Variants in C12orf42 observed in about 807,000 individuals in gnomAD.
C12orf42 encodes the protein chromosome 12 open reading frame 42.
In C12orf42, 25 loss-of-function variants were observed where a neutral mutation model predicts 21.6. That is an observed-to-expected ratio of 1.16 (90% confidence interval 0.84 to 1.62). C12orf42 has a LOEUF of 1.62. Ranked by LOEUF, C12orf42 falls within the 40% of genes most tolerant of loss-of-function variation. The pLI, the probability that C12orf42 is intolerant of heterozygous loss-of-function variation, is 0.00. For synonymous variants in C12orf42, 174 were observed against 175.0 expected (o/e 0.99, Z 0.05); for missense variants, 483 against 459.3 (o/e 1.05, Z -0.47).
At chr12:103,071,223 C>G in the C12orf42 span, among the ~76,000 whole-genome samples, 2 of 152,078 alleles carry the variant, frequency 1.3e-5, no homozygotes, top group East Asian at 1.9e-4. Flanking sequence ...CACCATAAAC[C>G]CTTCATCCCT....
chr12:103,549,745 C>A, the C12orf42 span: 1 of 152,148 alleles, frequency 6.6e-6, no homozygotes. Context: ...TAAATTACTA[C>A]CCAATAGATC....
At chr12:103,218,279 C>CA in the C12orf42 span, among the ~76,000 whole-genome samples, 10,275 of 92,968 alleles carry the variant, frequency 0.11, 507 homozygotes, top group African/African-American at 0.18. Flanking sequence ...AACTCCGCTT[C>CA]AAAAAAAAAA....
chr12:103,424,845 T>C (rs569417781), intron 2 of C12orf42, among the ~76,000 whole-genome samples: 2 of 152,282 alleles, frequency 1.3e-5, no homozygotes, highest in Admixed American at 6.5e-5. Context: ...GAACCATTCA[T>C]TGCCCTGGAA....
At chr12:103,058,318 G>A in the C12orf42 span, among the ~76,000 whole-genome samples, 1 of 152,100 alleles carries the variant, frequency 6.6e-6, no homozygotes, top group Non-Finnish European at 1.5e-5. Flanking sequence ...TTTTAATGGG[G>A]TTGTTTGTTT....
chr12:103,302,794 C>CAA (rs780556569), intron 5 of C12orf42, among the ~76,000 whole-genome samples: 81 of 145,398 alleles, frequency 5.6e-4, no homozygotes, highest in African/African-American at 2.0e-3. Context: ...CCCAACACCT[C>CAA]AAAAAAAAAA....
the C12orf42 span, among the ~76,000 whole-genome samples, chr12:103,077,402 C>A: frequency 6.6e-6 from 1 of 152,210 alleles, no homozygotes; most frequent in South Asian, 2.1e-4. Flanking sequence ...TTAATGTATG[C>A]CAGGCATTCT....
chr12:103,121,469 C>G, the C12orf42 span, among the ~76,000 whole-genome samples: 3 of 152,166 alleles, frequency 2.0e-5, no homozygotes, highest in Admixed American at 1.3e-4. Flanking sequence ...AATCCAGGAA[C>G]ACGGAGATGA....
chr12:103,430,512 G>A (rs1310435681), intron 2 of C12orf42, among the ~76,000 whole-genome samples: 1 of 152,200 alleles, frequency 6.6e-6, no homozygotes, highest in Non-Finnish European at 1.5e-5. Context: ...TACACTGTTG[G>A]TGGGAGTGTA....
the C12orf42 span, among the ~76,000 whole-genome samples, chr12:103,060,443 A>G: frequency 1.3e-5 from 2 of 152,224 alleles, no homozygotes; most frequent in African/African-American, 4.8e-5. Context: ...TTAAGCTACC[A>G]TTAACTTTCT....
chr12:103,455,452 C>T (rs1486949797), intron 2 of C12orf42, among the ~76,000 whole-genome samples: 1 of 151,966 alleles, frequency 6.6e-6, no homozygotes, highest in Non-Finnish European at 1.5e-5. Flanking sequence ...AAGCAATGTT[C>T]ATTAAAAATT....
At chr12:103,388,227 C>T (rs906393951) in intron 3 of C12orf42, among the ~76,000 whole-genome samples, 4 of 152,154 alleles carry the variant, frequency 2.6e-5, no homozygotes, top group Admixed American at 1.3e-4. Flanking sequence ...TCTGGAGAGT[C>T]TCTTCCTGTC....
chr12:103,502,891 T>C, the C12orf42 span, among the ~76,000 whole-genome samples: 1 of 152,236 alleles, frequency 6.6e-6, no homozygotes, highest in Non-Finnish European at 1.5e-5. Flanking sequence ...GCGAGTGTTT[T>C]GTTCCTCATG....
chr12:103,118,711 T>C, the C12orf42 span, among the ~76,000 whole-genome samples: 2 of 127,872 alleles, frequency 1.6e-5, no homozygotes, highest in Admixed American at 2.1e-4. Context: ...GGCAGGAGAA[T>C]GGTGTGAGCC....
chr12:103,191,743 T>TAAAA, the C12orf42 span, among the ~76,000 whole-genome samples: 3 of 122,040 alleles, frequency 2.5e-5, no homozygotes, highest in Admixed American at 1.7e-4. Context: ...ACTCTGTGTC[T>TAAAA]AAAAAAAAAA....
chr12:103,183,974 G>C, the C12orf42 span, among the ~76,000 whole-genome samples: 1 of 152,068 alleles, frequency 6.6e-6, no homozygotes, highest in Non-Finnish European at 1.5e-5. Context: ...TTTGTCTTAT[G>C]TCCCATGATA....
At chr12:103,241,229 A>C (rs781612427) in intron 10 of C12orf42, among the ~76,000 whole-genome samples, 10 of 150,868 alleles carry the variant, frequency 6.6e-5, no homozygotes, top group Non-Finnish European at 1.3e-4. Flanking sequence ...TTTCTCCCTG[A>C]GTCTTCCTTC....
the C12orf42 span, among the ~76,000 whole-genome samples, chr12:103,561,196 T>C: frequency 6.6e-6 from 1 of 152,268 alleles, no homozygotes; most frequent in East Asian, 1.9e-4. Flanking sequence ...CTTCCGTGGC[T>C]GTGGAGAGGG....
chr12:103,197,236 G>A, the C12orf42 span, among the ~76,000 whole-genome samples: 17 of 152,032 alleles, frequency 1.1e-4, no homozygotes, highest in African/African-American at 2.4e-4. Context: ...GATGCTGAAT[G>A]TAGGCCTCTA....
chr12:103,063,624 C>A, the C12orf42 span, among the ~76,000 whole-genome samples: 1 of 152,174 alleles, frequency 6.6e-6, no homozygotes, highest in African/African-American at 2.4e-5. Flanking sequence ...TGATGGCCTT[C>A]CCTGAGGCAG....
Sources: allele counts gnomAD v4.1 joint callset (sites outside exome capture counted in the v4.1 genomes callset), GRCh38; gene constraint gnomAD v4.1.1; transcripts MANE v1.5; gene names NCBI Gene and HGNC (gene_info 2026-07-23, HGNC 2026-07-21).